Variants in COL6A2 observed in about 807,000 individuals in gnomAD.
The protein encoded by COL6A2 is collagen alpha-2(VI) chain.
In COL6A2, 90 loss-of-function variants were observed where a neutral mutation model predicts 124.9. The observed-to-expected ratio is 0.72, with a 90% confidence interval of 0.61 to 0.86. COL6A2 has a LOEUF of 0.86. Ranked by LOEUF, COL6A2 falls within the 40% of genes least tolerant of loss-of-function variation. The probability of loss-of-function intolerance (pLI) is 0.00; values close to 1 mark genes in which losing one functional copy is unlikely to be tolerated. For synonymous variants in COL6A2, 793 were observed against 618.2 expected (o/e 1.28, Z -4.19); for missense variants, 1,607 against 1,502.5 (o/e 1.07, Z -1.15).
intron 27 of COL6A2, chr21:46,129,554 C>G: frequency 6.7e-7 from 1 of 1,482,032 alleles, no homozygotes; most frequent in South Asian, 1.4e-5. Context: ...CAGGGCTGCC[C>G]CCGACAGGCT....
rs879016588 is a variant in COL6A2, at chr21:46,116,926, T to C, written c.999+112T>C. The C allele has an allele frequency of 1.4e-4, 90 of 639,206 alleles. No homozygotes were observed. The highest frequency in any genetic ancestry group is 8.2e-4 in the Middle Eastern group (2 of 2,430). 39.6% of individuals were successfully genotyped at this position (639,206 alleles called of 1,614,324 possible). ...CAGCTTACACATGTGTACACACGCA[T>C]ACACACACACACACACACACACACA... On this transcript the variant is annotated intron_variant, in intron 10 of 27. Transcript: ENST00000300527. The surrounding 1 kb of genome is among the most constrained non-coding windows in gnomAD (Gnocchi z 4.6).
At chr21:46,121,910 G>A (rs559371952) in intron 18 of COL6A2, among the ~76,000 whole-genome samples, 198 bp from the exon 19 acceptor site, 6 of 97,262 alleles carry the variant, frequency 6.2e-5, no homozygotes, top group South Asian at 2.9e-4. Context: ...GGCAGGCTTC[G>A]GGTCTCTAGG....
chr21:46,121,543 C>G lies in COL6A2; in HGVS notation c.1459-13C>G, dbSNP rs370542209. 3.1e-6 allele frequency: 5 copies of G among 1,612,580 alleles called. No individual in the cohort carries two copies. In the African/African-American group the frequency reaches 6.7e-5, roughly 22 times the overall value. ...TGCCTGTGCTGACTTCTGAATTTCT[C>G]TCCTGCCCTCAGGGATCTCGGGGAG... On this transcript the variant is annotated splice_polypyrimidine_tract_variant and intron_variant, in intron 17 of 27. Transcript: ENST00000300527.
rs767744331 is a variant in COL6A2 at position 46,117,878 on chromosome 21, C to A, written c.1058C>A (p.Pro353His). Residue 353 changes from proline (P) to histidine (H), a missense_variant, in exon 12 of 28, where the codon CCC becomes CAC. By Grantham distance (77) the Pro-to-His change is moderately conservative. This residue lies in a region of COL6A2 where 1,223 missense variants were observed against 1,052.2 expected (regional missense o/e 1.16). Transcript: ENST00000300527. Reference sequence around the variant, plus strand: ...CACCTCTCACTCCTCTCTCAGGGCCCCGACGGTTACCCGGGGGAAGCAGGG... The same window carrying A: ...CACCTCTCACTCCTCTCTCAGGGCCACGACGGTTACCCGGGGGAAGCAGGG... ...GCKGDPGNRG[P>H]DGYPGEAGSP... The A allele has an allele frequency of 1.2e-6, 2 of 1,611,360 alleles. No individual in the cohort carries two copies. The highest frequency in any genetic ancestry group is 2.2e-5 in the South Asian group (2 of 90,452).
intron 1 of COL6A2, among the ~76,000 whole-genome samples, chr21:46,105,889 G>A (rs1475705917): frequency 6.6e-6 from 1 of 152,214 alleles, no homozygotes; most frequent in Non-Finnish European, 1.5e-5. Flanking sequence ...TACTTTAGAT[G>A]TAAATGGATT....
chr21:46,116,719 C>G lies in COL6A2; in HGVS notation c.954+42C>G. The G allele has an allele frequency of 6.2e-7, 1 of 1,613,042 alleles. No homozygotes were observed. Among genetic ancestry groups the G allele is most frequent in the Non-Finnish European group, 8.5e-7 (1 of 1,179,992 alleles). ...GGCAGAGCCCCTCCTTCCTGCTGCT[C>G]AGGGCAGAAGGACCGGGGCTAATGG... On this transcript the variant is annotated intron_variant, in intron 9 of 27. Coordinates refer to ENST00000300527, the MANE Select transcript of COL6A2 (RefSeq NM_001849.4). This position sits in a 1 kb window ranked among gnomAD's most constrained non-coding sequence, Gnocchi z 4.6.
chr21:46,127,829 G>A (rs913368919), intron 27 of COL6A2, among the ~76,000 whole-genome samples: 1 of 152,220 alleles, frequency 6.6e-6, no homozygotes, highest in African/African-American at 2.4e-5. Context: ...GTCTGTGGAT[G>A]TCACGTGACC....
In COL6A2 at chr21:46,124,652, C is replaced by T. The variant is rs376303610; in HGVS notation, c.1673C>T (p.Ala558Val). 1.1e-5 allele frequency: 18 copies of T among 1,612,798 alleles called. No individual in the cohort carries two copies. The highest frequency in any genetic ancestry group is 1.2e-5 in the Non-Finnish European group (14 of 1,179,898). ...CCACCTGTTCTTGTTCCTTCTCAGGCGGATCCTGGTCCCCCTGGTGAGCCA... is the reference window on the plus strand; with the variant it reads ...CCACCTGTTCTTGTTCCTTCTCAGGTGGATCCTGGTCCCCCTGGTGAGCCA... Reference protein sequence around the residue: ...PGRKGEKGEPADPGPPGEPGP... With the variant: ...PGRKGEKGEPVDPGPPGEPGP... The change falls in exon 22 of 28, where the codon GCG (alanine) becomes GTG (valine). Residue 558 changes from alanine (A) to valine (V), a missense_variant and splice_region_variant. Transcript: ENST00000300527.
intron 27 of COL6A2, among the ~76,000 whole-genome samples, chr21:46,127,726 TG>T (rs34767029): frequency 0.59 from 90,071 of 151,854 alleles, 26,795 homozygotes; most frequent in Admixed American, 0.66. Context: ...TGCTATCAGG[TG>T]GGGGGCCTTC....
At position 46,119,776 on chromosome 21, in the gene COL6A2, T is replaced by C; in HGVS notation, c.1270-12T>C. ...CAGCCCCCTCCCTCACCCACACGCCTGTTCTCTGCAGGGGCGCAGGGGAGA... is the reference window on the plus strand; with the variant it reads ...CAGCCCCCTCCCTCACCCACACGCCCGTTCTCTGCAGGGGCGCAGGGGAGA... On this transcript the variant is annotated splice_polypyrimidine_tract_variant and intron_variant, in intron 14 of 27. Coordinates refer to ENST00000300527, the MANE Select transcript of COL6A2 (RefSeq NM_001849.4). 6.4e-7 allele frequency: 1 copy of C among 1,557,360 alleles called. No homozygotes were observed. The highest frequency in any genetic ancestry group is 8.7e-7 in the Non-Finnish European group (1 of 1,150,222).
chr21:46,109,400 A>C (rs1315413938), intron 1 of COL6A2, among the ~76,000 whole-genome samples: 1 of 152,148 alleles, frequency 6.6e-6, no homozygotes. Context: ...GGCCCAGAAG[A>C]AAGCACCTTG....
At position 46,116,711 on chromosome 21, in the gene COL6A2, C is replaced by T. The variant is rs757783228; in HGVS notation, c.954+34C>T. On this transcript the variant is annotated intron_variant, in intron 9 of 27. Transcript: ENST00000300527. The surrounding 1 kb of genome is among the most constrained non-coding windows in gnomAD (Gnocchi z 4.6). ...GCTGGGTAGGCAGAGCCCCTCCTTC[C>T]TGCTGCTCAGGGCAGAAGGACCGGG... 3 of 1,612,906 alleles carry T rather than the reference C, an allele frequency of 1.9e-6. No individual in the cohort carries two copies. Among genetic ancestry groups the T allele is most frequent in the Middle Eastern group, 1.6e-4 (1 of 6,084 alleles).
rs199842179 is a variant in COL6A2, at chr21:46,122,116, C to G, written c.1530C>G (p.Pro510=). Residue 510 remains proline, a synonymous_variant, in exon 19 of 28, where the codon CCC becomes CCG. Transcript: ENST00000300527. ...DSGQPGPKGD[P]GRPGFSYPGP... ...TCAACGTCCTCCTCCAGGGAGACCC[C>G]GGCAGGCCTGGATTCAGCTACCCAG... 6 of 1,612,676 alleles carry G rather than the reference C, an allele frequency of 3.7e-6. No individual in the cohort carries two copies. In the East Asian group the frequency reaches 1.1e-4, roughly 30 times the overall value.
intron 27 of COL6A2, chr21:46,129,494 C>CCCGGGCACCCGCCCAG: frequency 6.4e-7 from 1 of 1,564,408 alleles, no homozygotes; most frequent in South Asian, 1.2e-5. Context: ...TCTGCTAAAG[C>CCCGGGCACCCGCCCAG]CCGGGCACCC....
Position 46,132,437 on chromosome 21 carries a change from T to G in COL6A2, c.2945T>G (p.Met982Arg). 6.2e-7 allele frequency: 1 copy of G among 1,606,884 alleles called. No individual in the cohort carries two copies. The highest frequency in any genetic ancestry group is 2.2e-5 in the East Asian group (1 of 44,732). Residue 982 changes from methionine to arginine, a missense_variant, in exon 28 of 28, where the codon ATG (methionine) becomes AGG (arginine). Around this residue, in one of 3 missense-constraint regions of COL6A2, gnomAD observed 1,223 missense variants for 1,052.2 expected, o/e 1.16. Transcript: ENST00000300527. ...TVLALGSDVDMDVLTTLSLGD... is the reference protein window; with the variant it reads ...TVLALGSDVDRDVLTTLSLGD... ...CTGGCCTTGGGCAGCGACGTGGACA[T>G]GGACGTGCTCACCACGCTCAGCCTG... is the stretch of plus-strand genomic sequence containing the variant.
At chr21:46,131,892 T>G in intron 27 of COL6A2, 62 bp from the exon 28 acceptor site, 10 of 1,448,628 alleles carry the variant, frequency 6.9e-6, no homozygotes, top group Non-Finnish European at 9.4e-6. Context: ...GGTGCGGGGC[T>G]GGCACCTGCC....
chr21:46,119,881 C>G (rs1233001664), intron 15 of COL6A2, 31 bp downstream of exon 15: 1 of 1,544,508 alleles, frequency 6.5e-7, no homozygotes, highest in Non-Finnish European at 8.8e-7. Flanking sequence ...AGCCCAGGGT[C>G]TCACTGTGGT....
Position 46,129,606 on chromosome 21 carries a change from G to T in COL6A2, c.2462-2348G>T, listed in dbSNP as rs2078732079. 44 of 1,434,540 alleles carry T rather than the reference G, an allele frequency of 3.1e-5. No individual in the cohort carries two copies. The South Asian group carries it at 3.4e-4, about 11-fold the overall frequency. 88.9% of individuals were successfully genotyped at this position (1,434,540 alleles called of 1,614,324 possible). On this transcript the variant is annotated intron_variant, in intron 27 of 27. Coordinates refer to ENST00000300527, the MANE Select transcript of COL6A2 (RefSeq NM_001849.4). ...CAGAGATCTGGAATCGGGGTCAGCG[G>T]GGCTACAGTCCTTCCAGGGGCTCTG...
At position 46,125,253 on chromosome 21, in the gene COL6A2, G is replaced by A. The variant is rs376708282; in HGVS notation, c.1771-13G>A. On this transcript the variant is annotated splice_polypyrimidine_tract_variant and intron_variant, in intron 23 of 27. Coordinates refer to ENST00000300527, the MANE Select transcript of COL6A2 (RefSeq NM_001849.4). The stretch of plus-strand genomic sequence containing the variant: ...CCCCGGGGGGACTACCCTGCCTGCC[G>A]TGTGCATTGCAGGAGTGTGACGTCA... The A allele has an allele frequency of 6.5e-5, 104 of 1,611,240 alleles. 1 individual carries two copies. In the Middle Eastern group the frequency reaches 1.3e-3, roughly 20 times the overall value.
Sources: gnomAD v4.1 joint callset for allele counts (sites outside exome capture counted in the v4.1 genomes callset) on GRCh38, gnomAD v4.1.1 for gene constraint, gnomAD v4.1.1 regional missense constraint, Gnocchi (gnomAD v3.1) non-coding constraint, MANE v1.5 for transcripts, NCBI Gene and HGNC (gene_info 2026-07-23, HGNC 2026-07-21) for gene names.